The following HTR4 variants were observed in gnomAD, a reference collection of about 807,000 sequenced individuals.
HTR4 encodes the protein 5-hydroxytryptamine receptor 4, also known as 5-hydroxytryptamine (serotonin) receptor 4, G protein-coupled.
A neutral mutation model predicts 36.8 loss-of-function variants in HTR4; 16 were observed. The ratio of observed to expected loss-of-function variants is 0.43; its 90% CI spans 0.29 to 0.66. The LOEUF (loss-of-function observed/expected upper bound fraction) is 0.66. Ranked by LOEUF, HTR4 falls within the 30% of genes least tolerant of loss-of-function variation. The pLI is 0.13. For synonymous variants in HTR4, 189 were observed against 185.1 expected (o/e 1.02, Z -0.17); for missense variants, 438 against 490.9 (o/e 0.89, Z 1.02).
rs565039036 is a variant in HTR4, at chr5:148,649,683, A to G, written c.-48+4379T>C. ...AGAAGTACAATTGCTGAGAAAAAGC[A>G]AAGGTTTTTCTGAAACTCAAAATAA... On this transcript the variant is annotated intron_variant, in intron 1 of 6. Transcript: ENST00000377888. Among the ~76,000 whole-genome samples the G allele has an allele frequency of 7.7e-4, 118 of 152,304 alleles. 1 individual carries two copies. The highest frequency in any genetic ancestry group is 2.7e-3 in the African/African-American group (111 of 41,576).
intron 2 of HTR4, among the ~76,000 whole-genome samples, chr5:148,565,068 C>T (rs558162177): frequency 6.7e-6 from 1 of 150,192 alleles, no homozygotes; most frequent in African/African-American, 2.5e-5. Flanking sequence ...CAATATCACA[C>T]CACTGCACTC....
At chr5:148,549,851 G>C (rs1407999812) in intron 3 of HTR4, among the ~76,000 whole-genome samples, 2 of 152,090 alleles carry the variant, frequency 1.3e-5, no homozygotes, top group South Asian at 2.1e-4. Flanking sequence ...GGGGAGGTTA[G>C]ATTATATGTG....
intron 2 of HTR4, 81 bp from the exon 3 acceptor site, chr5:148,550,343 T>C: frequency 1.3e-6 from 2 of 1,527,300 alleles, no homozygotes; most frequent in Non-Finnish European, 1.8e-6. Context: ...ATCATTGACC[T>C]TCAGAAAGGT....
chr5:148,499,755 G>T (rs1361773369), intron 6 of HTR4, among the ~76,000 whole-genome samples: 2 of 152,190 alleles, frequency 1.3e-5, no homozygotes. Context: ...TGAGGTGTCT[G>T]GGTTATGGGG....
chr5:148,575,727 G>A lies in HTR4; in HGVS notation c.27-25465C>T, dbSNP rs1426226661. ...TCATAAAATTGACTGCTACATAGGA[G>A]TAAAAAAGTTTAAATAAACTAAACA... On this transcript the variant is annotated intron_variant, in intron 2 of 6. Transcript: ENST00000377888. 2.6e-5 allele frequency among the ~76,000 whole-genome samples: 4 copies of A among 151,998 alleles called. No homozygotes were observed. In the South Asian group the frequency reaches 6.2e-4, roughly 24 times the overall value.
chr5:148,503,053 G>GT (rs1366164773), intron 6 of HTR4, among the ~76,000 whole-genome samples: 18 of 152,300 alleles, frequency 1.2e-4, no homozygotes, highest in African/African-American at 4.3e-4. Flanking sequence ...ATGGAACCAA[G>GT]TTGGAAAACA....
At chr5:148,587,146 C>A (rs1761378759) in intron 2 of HTR4, among the ~76,000 whole-genome samples, 1 of 152,168 alleles carries the variant, frequency 6.6e-6, no homozygotes, top group Non-Finnish European at 1.5e-5. Context: ...GGCTAAAGTG[C>A]AATTTCTTCA....
At chr5:148,490,584 T>C (rs1205859884) in intron 6 of HTR4, 2 of 1,143,686 alleles carry the variant, frequency 1.7e-6, no homozygotes, top group South Asian at 3.8e-5. Context: ...GAGAACGTGT[T>C]ATTCAATCTA....
chr5:148,550,108 T>C (rs745947142), intron 3 of HTR4, 29 bp downstream of exon 3: 1 of 1,613,344 alleles, frequency 6.2e-7, no homozygotes, highest in South Asian at 1.1e-5. Context: ...CTCCCATGTT[T>C]CCTCAAAAGG....
At chr5:148,550,835 T>C (rs1032289370) in intron 2 of HTR4, among the ~76,000 whole-genome samples, 12 of 152,084 alleles carry the variant, frequency 7.9e-5, no homozygotes, top group Admixed American at 6.5e-4. Context: ...TGATCCACGA[T>C]CCAATCATAT....
chr5:148,550,209 G>A lies in HTR4; in HGVS notation c.80C>T (p.Ser27Leu), dbSNP rs199508638. Residue 27 changes from serine (S) to leucine (L), a missense_variant, in exon 3 of 7, where the codon TCG becomes TTG. Transcript: ENST00000377888. ...VEKVVLLTFL[S>L]TVILMAILGN... ...CAAGATGGCCATCAGGATAACCGTCGAGAGAAACGTGAGCAGCACCACCTT... is the reference window on the plus strand; with the variant it reads ...CAAGATGGCCATCAGGATAACCGTCAAGAGAAACGTGAGCAGCACCACCTT... 3.5e-4 allele frequency: 560 copies of A among 1,614,010 alleles called. 1 individual carries two copies. The highest frequency in any genetic ancestry group is 4.3e-4 in the Non-Finnish European group (502 of 1,179,980).
At chr5:148,460,738 A>G (rs1044611298) in intron 5 of HTR4, among the ~76,000 whole-genome samples, 2 of 152,118 alleles carry the variant, frequency 1.3e-5, no homozygotes, top group African/African-American at 4.8e-5. Flanking sequence ...AAGTGAAGTA[A>G]AATAATAGCT....
chr5:148,460,905 A>G (rs2113693002), intron 5 of HTR4, among the ~76,000 whole-genome samples: 1 of 152,240 alleles, frequency 6.6e-6, no homozygotes, highest in Non-Finnish European at 1.5e-5. Context: ...TTGGACCATC[A>G]TAAGTTGGTG....
intron 5 of HTR4, among the ~76,000 whole-genome samples, chr5:148,467,607 A>T (rs1755461122): frequency 6.6e-6 from 1 of 152,234 alleles, no homozygotes; most frequent in East Asian, 1.9e-4. Flanking sequence ...TGTTAAGATG[A>T]AATCTAAGGT....
rs377432336 is a variant in HTR4, at chr5:148,485,699, G to GA, written c.1077-2407dup. On this transcript the variant is annotated intron_variant, in intron 6 of 6. Coordinates refer to ENST00000377888, the MANE Select transcript of HTR4 (RefSeq NM_000870.7). ...ACTAGGGAGACTAGGTGTAAAGGGG[G>GA]AAAAAATCCTGTGAAGGTAGGAGGA... Among the ~76,000 whole-genome samples the GA allele has an allele frequency of 6.2e-4, 94 of 152,218 alleles. No individual in the cohort carries two copies. The East Asian group carries it at 8.9e-3, about 14-fold the overall frequency.
chr5:148,579,165 G>A (rs776159075), intron 2 of HTR4, among the ~76,000 whole-genome samples: 4 of 152,002 alleles, frequency 2.6e-5, no homozygotes, highest in African/African-American at 7.2e-5. Context: ...ATATGTCACC[G>A]TTCTTTCTTT....
intron 2 of HTR4, among the ~76,000 whole-genome samples, chr5:148,595,517 C>T (rs1397737797): frequency 6.6e-6 from 1 of 152,124 alleles, no homozygotes; most frequent in South Asian, 2.1e-4. Flanking sequence ...CCACCAGGAG[C>T]AAATCATGCC....
intron 6 of HTR4, among the ~76,000 whole-genome samples, chr5:148,499,466 T>A (rs1024963343): frequency 6.6e-6 from 1 of 152,170 alleles, no homozygotes; most frequent in African/African-American, 2.4e-5. Flanking sequence ...TTTGCCCCCA[T>A]GGTTGAATTT....
chr5:148,622,600 C>T (rs1238991659), intron 2 of HTR4, among the ~76,000 whole-genome samples: 2 of 152,256 alleles, frequency 1.3e-5, no homozygotes, highest in South Asian at 2.1e-4. Flanking sequence ...AGATTCAAAA[C>T]TTGGTTCTGT....
Sources: allele counts gnomAD v4.1 joint callset (sites outside exome capture counted in the v4.1 genomes callset), GRCh38; gene constraint gnomAD v4.1.1; transcripts MANE v1.5; gene names NCBI Gene and HGNC (gene_info 2026-07-23, HGNC 2026-07-21).